The following CWF19L2 variants were observed in gnomAD, a reference collection of about 807,000 sequenced individuals.
CWF19L2 encodes CWF19 like cell cycle control factor 2.
Under a neutral mutation model 111.7 loss-of-function variants are expected in CWF19L2, and 98 were observed. The observed-to-expected ratio is 0.88, with a 90% CI of 0.75 to 1.04. The LOEUF (loss-of-function observed/expected upper bound fraction) is 1.04, where lower values mean the gene tolerates loss of function less well. Among genes scored for constraint, CWF19L2 ranks in the 50% least tolerant of loss-of-function variants. The probability of loss-of-function intolerance (pLI) is 0.00; values close to 1 mark genes in which losing one functional copy is unlikely to be tolerated. For synonymous variants in CWF19L2, 351 were observed against 342.9 expected, an observed-to-expected ratio of 1.02 and a Z score of -0.26; for missense variants, 1,101 against 1,051.4, an observed-to-expected ratio of 1.05 and a Z score of -0.65.
At chr11:107,396,857 T>C (rs1176570531) in intron 10 of CWF19L2, among the ~76,000 whole-genome samples, 2 of 152,180 alleles carry the variant, frequency 1.3e-5, no homozygotes, top group African/African-American at 4.8e-5. Flanking sequence ...GTCCCCCAAC[T>C]GTGGAAGTGG....
At chr11:107,441,410 G>A (rs917540923) in intron 5 of CWF19L2, 93 bp downstream of exon 5, 14 of 1,035,740 alleles carry the variant, frequency 1.4e-5, no homozygotes, top group Non-Finnish European at 1.8e-5. Flanking sequence ...AAAATAAAAT[G>A]GTATTTTACA....
intron 10 of CWF19L2, among the ~76,000 whole-genome samples, chr11:107,407,380 C>A (rs551495960): frequency 1.4e-5 from 2 of 148,136 alleles, no homozygotes; most frequent in Non-Finnish European, 3.0e-5. Context: ...ATCGTCCCTC[C>A]ATCTAACCCT....
chr11:107,419,327 T>C (rs1861271526), intron 8 of CWF19L2, among the ~76,000 whole-genome samples: 1 of 152,148 alleles, frequency 6.6e-6, no homozygotes, highest in African/African-American at 2.4e-5. Flanking sequence ...TCAAATGTTT[T>C]CCAATTAATC....
At position 107,329,680 on chromosome 11, in the gene CWF19L2, T is replaced by C. The variant is rs568095881; in HGVS notation, c.2541+238A>G. On this transcript the variant is annotated intron_variant, in intron 17 of 17. Coordinates refer to ENST00000282251, the MANE Select transcript of CWF19L2 (RefSeq NM_152434.3). ...GCCTGGCTTCCTCCAAAAACAACCA[T>C]TATAGTAATTGTTGACACCGTCAAG... Among the ~76,000 whole-genome samples the C allele has an allele frequency of 3.4e-4, 52 of 152,232 alleles. 1 individual carries two copies. In the South Asian group the frequency reaches 0.011, roughly 31 times the overall value.
intron 12 of CWF19L2, among the ~76,000 whole-genome samples, chr11:107,361,997 C>T (rs1860350873): frequency 6.6e-6 from 1 of 152,214 alleles, no homozygotes; most frequent in South Asian, 2.1e-4. Context: ...CAGGGCGAGG[C>T]ATTGCCGCAC....
intron 13 of CWF19L2, among the ~76,000 whole-genome samples, chr11:107,351,011 C>T (rs989574151): frequency 2.6e-5 from 4 of 152,142 alleles, no homozygotes; most frequent in African/African-American, 9.7e-5. Flanking sequence ...GGCCTGTAGG[C>T]CTGCCTCATA....
chr11:107,326,687 G>A lies in CWF19L2; in HGVS notation c.*223C>T, dbSNP rs748513091. ...AGAGCAGGAATGTGAGCAGATCATC[G>A]AATATATGTTTTTACTCCATGGTGA... On this transcript the variant is annotated 3_prime_UTR_variant, in exon 18 of 18. Coordinates refer to ENST00000282251, the MANE Select transcript of CWF19L2 (RefSeq NM_152434.3). The A allele has an allele frequency of 3.3e-5, 13 of 398,516 alleles. No individual in the cohort carries two copies. The highest frequency in any genetic ancestry group is 6.2e-5 in the African/African-American group (3 of 48,308). The allele number at this position is 398,516 out of a possible 1,614,324, so 24.7% of individuals were successfully genotyped here. A position where few individuals can be genotyped will look rare whatever the true frequency, so the allele number is the denominator to read the frequency against.
intron 10 of CWF19L2, chr11:107,403,456 G>T: frequency 2.5e-6 from 2 of 798,832 alleles, no homozygotes. Flanking sequence ...CCACTGTTGT[G>T]CTGTTGCTCT....
intron 4 of CWF19L2, among the ~76,000 whole-genome samples, chr11:107,442,240 G>A (rs1861627854): frequency 6.6e-6 from 1 of 152,072 alleles, no homozygotes; most frequent in African/African-American, 2.4e-5. Flanking sequence ...AGGGGAAGGG[G>A]GTTCTAAACA....
At chr11:107,389,848 A>G (rs909542319) in intron 12 of CWF19L2, among the ~76,000 whole-genome samples, 1 of 152,214 alleles carries the variant, frequency 6.6e-6, no homozygotes, top group African/African-American at 2.4e-5. Flanking sequence ...AGAATGCATT[A>G]AAGAAATAAA....
At chr11:107,393,914 T>C (rs1591180928) in intron 10 of CWF19L2, among the ~76,000 whole-genome samples, 2 of 152,022 alleles carry the variant, frequency 1.3e-5, no homozygotes, top group Admixed American at 1.3e-4. Context: ...GCTGAAAAAA[T>C]TACCTATTGG....
intron 14 of CWF19L2, among the ~76,000 whole-genome samples, chr11:107,341,511 T>C (rs1334058381): frequency 6.6e-6 from 1 of 152,200 alleles, no homozygotes; most frequent in East Asian, 1.9e-4. Flanking sequence ...TGATAATTTT[T>C]ACATCTCTAT....
intron 12 of CWF19L2, among the ~76,000 whole-genome samples, chr11:107,356,951 T>C (rs1860245832): frequency 6.6e-6 from 1 of 152,100 alleles, no homozygotes; most frequent in African/African-American, 2.4e-5. Flanking sequence ...GGCAGGAGAA[T>C]TGCTTGAACC....
chr11:107,430,345 A>G (rs1361476324), intron 7 of CWF19L2, among the ~76,000 whole-genome samples: 1 of 152,162 alleles, frequency 6.6e-6, no homozygotes, highest in South Asian at 2.1e-4. Context: ...ATCCATAATA[A>G]TAAGTAAATA....
intron 7 of CWF19L2, among the ~76,000 whole-genome samples, chr11:107,430,522 C>T (rs11212229): frequency 0.028 from 4,188 of 152,098 alleles, 109 homozygotes; most frequent in East Asian, 0.11. Context: ...AAAAAAATTA[C>T]TCAAGATGAT....
chr11:107,372,455 G>C (rs925896716), intron 12 of CWF19L2, among the ~76,000 whole-genome samples: 1 of 136,558 alleles, frequency 7.3e-6, no homozygotes, highest in Non-Finnish European at 1.6e-5. Context: ...AATCAACACG[G>C]ATGGAGCAGA....
At chr11:107,435,055 T>A (rs1861521221) in intron 6 of CWF19L2, among the ~76,000 whole-genome samples, 1 of 152,138 alleles carries the variant, frequency 6.6e-6, no homozygotes. Flanking sequence ...ATATGTCACA[T>A]TTCAATAAAA....
At chr11:107,416,173 CAAGGT>C in intron 10 of CWF19L2, 31 bp downstream of exon 10, 1 of 652,694 alleles carries the variant, frequency 1.5e-6, no homozygotes, top group South Asian at 3.8e-5. Context: ...GTAGTTTACA[CAAGGT>C]AATTACATTC....
At chr11:107,327,143 A>G (rs12363600) in intron 17 of CWF19L2, 90 bp from the exon 18 acceptor site, 232,929 of 1,235,576 alleles carry the variant, frequency 0.19, 24,603 homozygotes, top group Middle Eastern at 0.23. Flanking sequence ...GCTATAAAAT[A>G]TAACAAGTTC....
Sources: gnomAD v4.1 joint callset for allele counts (sites outside exome capture counted in the v4.1 genomes callset) on GRCh38, gnomAD v4.1.1 for gene constraint, MANE v1.5 for transcripts, NCBI Gene and HGNC (gene_info 2026-07-23, HGNC 2026-07-21) for gene names.